The following ZFP91 variants were observed in gnomAD, a reference collection of about 807,000 sequenced individuals.
ZFP91 encodes E3 ubiquitin-protein ligase ZFP91.
A neutral mutation model predicts 63.5 loss-of-function variants in ZFP91; 7 were observed. The observed-to-expected ratio is 0.11, with a 90% confidence interval of 0.06 to 0.21. The LOEUF is 0.21. Ranked by LOEUF, ZFP91 falls within the 10% of genes least tolerant of loss-of-function variation. The pLI is 1.00. For synonymous variants in ZFP91, 330 were observed against 272.1 expected (o/e 1.21, Z -2.10); for missense variants, 628 against 736.6 (o/e 0.85, Z 1.71).
intron 2 of ZFP91, among the ~76,000 whole-genome samples, chr11:58,597,114 A>G (rs1855417180): frequency 6.6e-6 from 1 of 152,162 alleles, no homozygotes; most frequent in Non-Finnish European, 1.5e-5. Context: ...TTTTTACTTC[A>G]GGGGCAAAGC....
chr11:58,598,767 TG>T (rs527722302), intron 2 of ZFP91, among the ~76,000 whole-genome samples: 21,343 of 148,710 alleles, frequency 0.14, 1,728 homozygotes, highest in Admixed American at 0.18. Context: ...TGTGTGTGTG[TG>T]TGTGTGTGTG....
intron 2 of ZFP91, among the ~76,000 whole-genome samples, chr11:58,603,572 GGCT>G (rs1363619899): frequency 2.6e-5 from 4 of 152,210 alleles, no homozygotes; most frequent in Non-Finnish European, 4.4e-5. Context: ...AACACTGCCA[GGCT>G]GGCCTGAATG....
intron 1 of ZFP91, among the ~76,000 whole-genome samples, chr11:58,584,644 C>T (rs1259202989): frequency 6.6e-6 from 1 of 152,060 alleles, no homozygotes; most frequent in Non-Finnish European, 1.5e-5. Context: ...TTCAGTTTCA[C>T]AATTACATGA....
intron 9 of ZFP91, among the ~76,000 whole-genome samples, chr11:58,615,720 G>T (rs939320060): frequency 1.3e-5 from 2 of 152,162 alleles, no homozygotes; most frequent in Non-Finnish European, 2.9e-5. Flanking sequence ...TCTTATTAGA[G>T]ATACAGAATC....
At chr11:58,587,832 C>A (rs1855236960) in intron 2 of ZFP91, among the ~76,000 whole-genome samples, 2 of 151,978 alleles carry the variant, frequency 1.3e-5, no homozygotes, top group Non-Finnish European at 1.5e-5. Context: ...ATAGTTAAAA[C>A]TGCCTCTCAA....
intron 1 of ZFP91, among the ~76,000 whole-genome samples, chr11:58,580,502 A>T (rs1855095163): frequency 9.0e-6 from 1 of 110,854 alleles, no homozygotes; most frequent in Non-Finnish European, 2.1e-5. Context: ...TGAAAACATC[A>T]TTAGTGACCT....
intron 2 of ZFP91, among the ~76,000 whole-genome samples, chr11:58,601,404 C>G (rs990702160): frequency 1.1e-4 from 16 of 152,226 alleles, no homozygotes; most frequent in African/African-American, 3.8e-4. Flanking sequence ...ATTGTGTTTT[C>G]TTATGTTTAT....
intron 6 of ZFP91, 111 bp downstream of exon 6, chr11:58,611,849 A>G (rs1340724248): frequency 1.5e-6 from 2 of 1,343,318 alleles, no homozygotes; most frequent in Admixed American, 5.4e-5. Context: ...CAAAATATGT[A>G]TTTTTTAACT....
Position 58,598,770 on chromosome 11 carries a change from G to T in ZFP91, c.371-11060G>T, listed in dbSNP as rs199748393. On this transcript the variant is annotated intron_variant, in intron 2 of 10. Coordinates refer to ENST00000316059, the MANE Select transcript of ZFP91 (RefSeq NM_053023.5). ...TGCACGTGTGTGTGTGTGTGTGTGT[G>T]TGTGTGTGTGTGTGTGTTTTGAGGT... Among the ~76,000 whole-genome samples the T allele has an allele frequency of 2.9e-4, 32 of 109,380 alleles. No homozygotes were observed. The South Asian group carries it at 7.8e-3, about 27-fold the overall frequency. 71.8% of individuals were successfully genotyped at this position (109,380 alleles called of 152,430 possible). A position where few individuals can be genotyped will look rare whatever the true frequency, so the allele number is the denominator to read the frequency against.
chr11:58,595,654 T>G (rs932386277), intron 2 of ZFP91, among the ~76,000 whole-genome samples: 2 of 151,580 alleles, frequency 1.3e-5, no homozygotes, highest in Non-Finnish European at 2.9e-5. Flanking sequence ...CTCAACTCAC[T>G]GCAACCTCTG....
Position 58,617,854 on chromosome 11 carries a change from A to C in ZFP91, c.*148A>C. Reference sequence around the variant, plus strand: ...TGTGGATCACAGCACACACATACATACACCCTCCACCTCCCCATCCCCTGT... The same window carrying C: ...TGTGGATCACAGCACACACATACATCCACCCTCCACCTCCCCATCCCCTGT... On this transcript the variant is annotated 3_prime_UTR_variant, in exon 11 of 11. Coordinates refer to ENST00000316059, the MANE Select transcript of ZFP91 (RefSeq NM_053023.5). The surrounding 1 kb of genome is among the most constrained non-coding windows in gnomAD (Gnocchi z 4.2). 1 of 1,049,776 alleles carries C rather than the reference A, an allele frequency of 9.5e-7. No individual in the cohort carries two copies. The highest frequency in any genetic ancestry group is 1.3e-6 in the Non-Finnish European group (1 of 794,010). The allele number at this position is 1,049,776 out of a possible 1,614,324, so 65.0% of individuals were successfully genotyped here. A position where few individuals can be genotyped will look rare whatever the true frequency, so the allele number is the denominator to read the frequency against.
rs141371801 is a variant in ZFP91 at position 58,611,716 on chromosome 11, G to A, written c.835G>A (p.Glu279Lys). ...GAAAGAAGAGGAGAATGAAATTAGA[G>A]AGGATGAGGAACCTCCAAGGAAGTG... is the stretch of plus-strand genomic sequence containing the variant. The part of the protein sequence containing the change: ...EVKEEENEIR[E>K]DEEPPRKRGR... Residue 279 changes from glutamate (E) to lysine (K), a missense_variant, in exon 6 of 11, where the codon GAG (glutamate) becomes AAG (lysine). Transcript: ENST00000316059. The A allele has an allele frequency of 4.3e-6, 7 of 1,611,112 alleles. No individual in the cohort carries two copies. The African/African-American group carries it at 9.4e-5, about 22-fold the overall frequency.
Position 58,610,981 on chromosome 11 carries a change from A to T in ZFP91, c.649A>T (p.Met217Leu), listed in dbSNP as rs1267807358. Residue 217 changes from methionine to leucine, a missense_variant, in exon 5 of 11, where the codon ATG becomes TTG. Transcript: ENST00000316059. ...AGAGGAAGAGGAGGAGGAAGAAGAG[A>T]TGTTAATCAGTGAAGAGGAGATACC... Reference protein sequence around the residue: ...SEEEEEEEEEMLISEEEIPFK... With the variant: ...SEEEEEEEEELLISEEEIPFK... 6.2e-7 allele frequency: 1 copy of T among 1,612,848 alleles called. No homozygotes were observed. The highest frequency in any genetic ancestry group is 2.2e-5 in the East Asian group (1 of 44,794).
chr11:58,607,566 T>G (rs1855588833), intron 2 of ZFP91, among the ~76,000 whole-genome samples: 1 of 151,706 alleles, frequency 6.6e-6, no homozygotes, highest in Non-Finnish European at 1.5e-5. Context: ...TTTTGATGGT[T>G]GTTTAGAACT....
intron 6 of ZFP91, chr11:58,611,963 A>T: frequency 1.8e-6 from 1 of 554,564 alleles, no homozygotes; most frequent in Non-Finnish European, 3.1e-6. Flanking sequence ...GTATTTTTTA[A>T]TCTTAGTGTT....
Position 58,618,785 on chromosome 11 carries a change from A to C in ZFP91, c.*1079A>C, listed in dbSNP as rs1264074004. On this transcript the variant is annotated 3_prime_UTR_variant, in exon 11 of 11. Transcript: ENST00000316059. ...ACTAACAAAATCACTACAATAGCCT[A>C]GTGCTTTTTTGGAAGCCTTTTTAGG... 1 of 435,172 alleles carries C rather than the reference A, an allele frequency of 2.3e-6. No homozygotes were observed. The highest frequency in any genetic ancestry group is 7.0e-5 in the East Asian group (1 of 14,212). The allele number at this position is 435,172 out of a possible 1,614,324, so 27.0% of individuals were successfully genotyped here. A position where few individuals can be genotyped will look rare whatever the true frequency, so the allele number is the denominator to read the frequency against.
In ZFP91 at chr11:58,582,492, T is replaced by A. The variant is rs568638786; in HGVS notation, c.342-2364T>A. Among the ~76,000 whole-genome samples, 6 of 152,360 alleles carry A rather than the reference T, an allele frequency of 3.9e-5. No individual in the cohort carries two copies. In the South Asian group the frequency reaches 1.2e-3, roughly 32 times the overall value. On this transcript the variant is annotated intron_variant, in intron 1 of 10. Coordinates refer to ENST00000316059, the MANE Select transcript of ZFP91 (RefSeq NM_053023.5). ...AATCTTAGTAATCAGCTGTTTAACCTACATTTGATTTTCTTAATTAAAGTG... is the reference window on the plus strand; with the variant it reads ...AATCTTAGTAATCAGCTGTTTAACCAACATTTGATTTTCTTAATTAAAGTG...
chr11:58,588,612 A>C (rs1350580696), intron 2 of ZFP91, among the ~76,000 whole-genome samples: 2 of 152,050 alleles, frequency 1.3e-5, no homozygotes, highest in South Asian at 2.1e-4. Flanking sequence ...TATCCTCTCA[A>C]ATCAGTCTCT....
chr11:58,615,194 T>C (rs1344808390), intron 9 of ZFP91, among the ~76,000 whole-genome samples: 3 of 152,214 alleles, frequency 2.0e-5, no homozygotes, highest in African/African-American at 7.2e-5. Flanking sequence ...TGCTATTGAC[T>C]ACACAGAGCC....
Sources: gnomAD v4.1 joint callset for allele counts (sites outside exome capture counted in the v4.1 genomes callset) on GRCh38, gnomAD v4.1.1 for gene constraint, Gnocchi (gnomAD v3.1) non-coding constraint, MANE v1.5 for transcripts, NCBI Gene and HGNC (gene_info 2026-07-23, HGNC 2026-07-21) for gene names.